SORCS2: variants seen among roughly 807,000 people sequenced by gnomAD.
The protein encoded by SORCS2 is sortilin related VPS10 domain containing receptor 2.
SORCS2 carries 100 observed loss-of-function variants against 141.6 expected under a neutral mutation model. The ratio of observed to expected loss-of-function variants is 0.71; its 90% CI spans 0.60 to 0.83. The LOEUF (loss-of-function observed/expected upper bound fraction) is 0.83, where lower values mean the gene tolerates loss of function less well. Among genes scored for constraint, SORCS2 ranks in the 40% least tolerant of loss-of-function variants. SORCS2 has a pLI of 0.00. For synonymous variants in SORCS2, 789 were observed against 676.9 expected, an observed-to-expected ratio of 1.17 and a Z score of -2.57; for missense variants, 1,646 against 1,560.2, an observed-to-expected ratio of 1.05 and a Z score of -0.93.
chr4:7,310,160 C>T (rs1718094226), intron 1 of SORCS2, among the ~76,000 whole-genome samples: 1 of 152,220 alleles, frequency 6.6e-6, no homozygotes. Flanking sequence ...GCGTGGAGAG[C>T]TGACGGCTCT....
At chr4:7,379,399 G>T (rs1469613894) in intron 1 of SORCS2, among the ~76,000 whole-genome samples, 1 of 152,210 alleles carries the variant, frequency 6.6e-6, no homozygotes, top group Non-Finnish European at 1.5e-5. Context: ...GTGGAAGCAC[G>T]AGAGGCGTAT....
At chr4:7,250,304 C>T (rs946162481) in intron 1 of SORCS2, among the ~76,000 whole-genome samples, 1 of 151,974 alleles carries the variant, frequency 6.6e-6, no homozygotes, top group African/African-American at 2.4e-5. Flanking sequence ...AGCAATTCTC[C>T]CACCACCTGG....
chr4:7,601,450 TA>T (rs1305717682), intron 3 of SORCS2, among the ~76,000 whole-genome samples: 2 of 151,954 alleles, frequency 1.3e-5, no homozygotes, highest in East Asian at 3.9e-4. Context: ...TTATACTCTC[TA>T]CATTTTAACC....
rs180949703 is a variant in SORCS2 at position 7,687,106 on chromosome 4, C to T, written c.1489-2380C>T. On this transcript the variant is annotated intron_variant, in intron 10 of 26. Transcript: ENST00000507866. ...AGATGTGCACAGCTCATCGGGGGAA[C>T]GGGAGAGGTTGACGGAGACCAACCC... is the stretch of plus-strand genomic sequence containing the variant. Among the ~76,000 whole-genome samples the T allele has an allele frequency of 1.2e-4, 18 of 152,324 alleles. No homozygotes were observed. The East Asian group carries it at 2.5e-3, about 21-fold the overall frequency.
chr4:7,474,229 A>G (rs1253202686), intron 2 of SORCS2, among the ~76,000 whole-genome samples: 1 of 152,216 alleles, frequency 6.6e-6, no homozygotes, highest in African/African-American at 2.4e-5. Context: ...GGGAAGGGCC[A>G]GATTTGAAAA....
chr4:7,266,013 G>A (rs1461593545), intron 1 of SORCS2, among the ~76,000 whole-genome samples: 2 of 152,114 alleles, frequency 1.3e-5, no homozygotes, highest in Non-Finnish European at 2.9e-5. Context: ...CATCCTACCT[G>A]TCTCCCTGTT....
chr4:7,240,993 G>A (rs1382320356), intron 1 of SORCS2, among the ~76,000 whole-genome samples: 1 of 152,200 alleles, frequency 6.6e-6, no homozygotes, highest in Non-Finnish European at 1.5e-5. Context: ...GGAGTGCAAT[G>A]GCACGATCTC....
chr4:7,460,459 C>T (rs938912547), intron 2 of SORCS2, among the ~76,000 whole-genome samples: 1 of 152,228 alleles, frequency 6.6e-6, no homozygotes, highest in Non-Finnish European at 1.5e-5. Context: ...CCTGGAGTTG[C>T]AGCCTCAGTG....
rs572543636 is a variant in SORCS2, at chr4:7,329,707, C to G, written c.481-66581C>G. On this transcript the variant is annotated intron_variant, in intron 1 of 26. Transcript: ENST00000507866. ...GACAGCACAAATGTACAGACAGCCC[C>G]CAACTTACAATGGCTCAACTTAACA... Among the ~76,000 whole-genome samples, 40 of 152,344 alleles carry G rather than the reference C, an allele frequency of 2.6e-4. 1 individual carries two copies. The highest frequency in any genetic ancestry group is 9.4e-4 in the African/African-American group (39 of 41,582).
chr4:7,641,559 C>T (rs147018799), intron 4 of SORCS2, among the ~76,000 whole-genome samples: 17 of 152,254 alleles, frequency 1.1e-4, no homozygotes, highest in African/African-American at 4.1e-4. Context: ...TTTGTGAAGT[C>T]ATTTGATTAT....
chr4:7,229,643 G>A (rs1711672003), intron 1 of SORCS2, among the ~76,000 whole-genome samples: 1 of 152,260 alleles, frequency 6.6e-6, no homozygotes, highest in Non-Finnish European at 1.5e-5. Context: ...CTCCGAGGCT[G>A]AAAAAGGGCC....
At chr4:7,723,352 A>G (rs1272604395) in intron 18 of SORCS2, among the ~76,000 whole-genome samples, 2 of 152,052 alleles carry the variant, frequency 1.3e-5, no homozygotes, top group African/African-American at 4.8e-5. Context: ...CATCCCTAGC[A>G]CGGGCCTCTG....
chr4:7,374,618 C>T (rs988519787), intron 1 of SORCS2, among the ~76,000 whole-genome samples: 11 of 152,206 alleles, frequency 7.2e-5, no homozygotes, highest in Non-Finnish European at 1.0e-4. Context: ...TTGCCCCCAT[C>T]CTTCCCGAAG....
intron 2 of SORCS2, among the ~76,000 whole-genome samples, chr4:7,520,797 G>C (rs1043907081): frequency 6.6e-6 from 1 of 152,240 alleles, no homozygotes; most frequent in African/African-American, 2.4e-5. Context: ...AGATGCCCAA[G>C]CCCATGGGTA....
chr4:7,243,760 C>A (rs147802712), intron 1 of SORCS2, among the ~76,000 whole-genome samples: 24 of 152,362 alleles, frequency 1.6e-4, no homozygotes, highest in Middle Eastern at 6.8e-3. Context: ...GATCCCCCCC[C>A]ACAAACCCAA....
At chr4:7,639,696 T>C (rs1027247202) in intron 4 of SORCS2, among the ~76,000 whole-genome samples, 11 of 136,264 alleles carry the variant, frequency 8.1e-5, no homozygotes, top group Admixed American at 4.2e-4. Context: ...TGTGGGTGTC[T>C]GTGTGTGAAT....
chr4:7,338,445 T>TG (rs1420967971), intron 1 of SORCS2, among the ~76,000 whole-genome samples: 12 of 151,518 alleles, frequency 7.9e-5, no homozygotes, highest in African/African-American at 2.4e-4. Context: ...GATGGATGGA[T>TG]GAATGGCCTG....
chr4:7,256,617 C>T (rs1022876886), intron 1 of SORCS2, among the ~76,000 whole-genome samples: 4 of 151,150 alleles, frequency 2.6e-5, no homozygotes, highest in South Asian at 2.1e-4. Context: ...CCCTCCGGCT[C>T]GGAGCCCGGG....
At chr4:7,477,410 G>T (rs1173780692) in intron 2 of SORCS2, among the ~76,000 whole-genome samples, 1 of 8,934 alleles carries the variant, frequency 1.1e-4, no homozygotes, top group Non-Finnish European at 8.4e-4. Context: ...GCTGACTGGG[G>T]CTGACCGTGG....
Sources: gnomAD v4.1 joint callset for allele counts (sites outside exome capture counted in the v4.1 genomes callset) on GRCh38, gnomAD v4.1.1 for gene constraint, MANE v1.5 for transcripts, NCBI Gene and HGNC (gene_info 2026-07-23, HGNC 2026-07-21) for gene names.